Variants in KCNAB1 observed in about 807,000 individuals in gnomAD.
The protein encoded by KCNAB1 is voltage-gated potassium channel subunit beta-1.
A neutral mutation model predicts 64.6 loss-of-function variants in KCNAB1; 35 were observed. That is an observed-to-expected ratio of 0.54 (90% confidence interval 0.41 to 0.72). KCNAB1 has a LOEUF of 0.72. Ranked by LOEUF, KCNAB1 falls within the 30% of genes least tolerant of loss-of-function variation. The pLI is 0.00. For synonymous variants in KCNAB1, 177 were observed against 183.8 expected, an observed-to-expected ratio of 0.96 and a Z score of 0.30; for missense variants, 401 against 512.9, an observed-to-expected ratio of 0.78 and a Z score of 2.11.
chr3:156,225,165 C>A (rs1220603229), intron 1 of KCNAB1, among the ~76,000 whole-genome samples: 1 of 152,064 alleles, frequency 6.6e-6, no homozygotes, highest in African/African-American at 2.4e-5. Flanking sequence ...GATGCAAAAT[C>A]CTCAAAGAAA....
intron 8 of KCNAB1, among the ~76,000 whole-genome samples, chr3:156,488,182 A>T (rs772045097): frequency 6.6e-6 from 1 of 152,142 alleles, no homozygotes; most frequent in African/African-American, 2.4e-5. Context: ...AGAGAACAAC[A>T]TAGACAAAGA....
intron 8 of KCNAB1, among the ~76,000 whole-genome samples, chr3:156,481,818 C>T (rs1714828694): frequency 6.6e-6 from 1 of 152,120 alleles, no homozygotes; most frequent in African/African-American, 2.4e-5. Context: ...TCACTTTCCT[C>T]ACCTGAAAAC....
At chr3:156,372,487 A>G (rs935570774) in intron 1 of KCNAB1, among the ~76,000 whole-genome samples, 2 of 152,224 alleles carry the variant, frequency 1.3e-5, no homozygotes, top group Non-Finnish European at 2.9e-5. Context: ...CTGATTCAAT[A>G]GGTCTAGTGT....
chr3:156,210,038 C>A (rs1238185363), intron 1 of KCNAB1, among the ~76,000 whole-genome samples: 1 of 152,188 alleles, frequency 6.6e-6, no homozygotes, highest in Non-Finnish European at 1.5e-5. Flanking sequence ...TGCTTCCCTG[C>A]AGGACATCTA....
rs10624040 is a variant in KCNAB1, at chr3:156,182,695, A to ATTTTTTTTTTTTTTTTTTTTT, written c.275+61827_275+61828insTTTTTTTTTTTTTTTTTTTTT. Reference sequence around the variant, plus strand: ...CAAGGTATCTTCCTAAAGTAAGACAATTTTTTTTTTTTTTTTTTATTTTGC... The same window carrying ATTTTTTTTTTTTTTTTTTTTT: ...CAAGGTATCTTCCTAAAGTAAGACAATTTTTTTTTTTTTTTTTTTTTTTTTTTTTTTTTTTTTTTATTTTGC... On this transcript the variant is annotated intron_variant, in intron 1 of 13. Transcript: ENST00000490337. Among the ~76,000 whole-genome samples the ATTTTTTTTTTTTTTTTTTTTT allele has an allele frequency of 1.7e-4, 23 of 132,716 alleles. 1 individual carries two copies. Among genetic ancestry groups the ATTTTTTTTTTTTTTTTTTTTT allele is most frequent in the South Asian group, 2.4e-4 (1 of 4,126 alleles). 87.1% of individuals were successfully genotyped at this position (132,716 alleles called of 152,430 possible).
intron 1 of KCNAB1, among the ~76,000 whole-genome samples, chr3:156,202,766 A>G (rs994878933): frequency 2.6e-5 from 4 of 152,180 alleles, no homozygotes; most frequent in Non-Finnish European, 5.9e-5. Context: ...TATTTTTTAA[A>G]TTGGAAATCA....
At position 156,508,023 on chromosome 3, in the gene KCNAB1, T is replaced by A. The variant is rs1411265740; in HGVS notation, c.659-6341T>A. 2.6e-5 allele frequency among the ~76,000 whole-genome samples: 4 copies of A among 152,168 alleles called. No individual in the cohort carries two copies. The East Asian group carries it at 7.7e-4, about 29-fold the overall frequency. On this transcript the variant is annotated intron_variant, in intron 8 of 13. Transcript: ENST00000490337. This position sits in a 1 kb window ranked among gnomAD's most constrained non-coding sequence, Gnocchi z 4.1. ...ACATATTTACTGGAAATGTGAAAAA[T>A]TAAGAACAAAATTGCATGTAATTCC... is the stretch of plus-strand genomic sequence containing the variant.
intron 1 of KCNAB1, among the ~76,000 whole-genome samples, chr3:156,383,887 A>G (rs1415940219): frequency 1.3e-5 from 2 of 152,172 alleles, no homozygotes. Flanking sequence ...ACTTGACGGC[A>G]TCCAGGTTTC....
At chr3:156,357,790 AT>A (rs201580826) in intron 1 of KCNAB1, among the ~76,000 whole-genome samples, 21,779 of 148,740 alleles carry the variant, frequency 0.15, 1,794 homozygotes, top group Middle Eastern at 0.24. Context: ...ATTATTTTAT[AT>A]TTTTATACTA....
At chr3:156,181,299 A>T (rs1392345271) in intron 1 of KCNAB1, among the ~76,000 whole-genome samples, 1 of 152,196 alleles carries the variant, frequency 6.6e-6, no homozygotes, top group Non-Finnish European at 1.5e-5. Context: ...ACAACACGAG[A>T]CAGAGGTTAG....
chr3:156,432,410 G>A (rs771570893), intron 2 of KCNAB1, among the ~76,000 whole-genome samples: 15 of 152,236 alleles, frequency 9.9e-5, no homozygotes, highest in Middle Eastern at 6.8e-3. Context: ...ACAAATAAAA[G>A]CTTCATCCTA....
intron 1 of KCNAB1, among the ~76,000 whole-genome samples, chr3:156,182,638 C>CCG: frequency 6.6e-6 from 1 of 151,038 alleles, no homozygotes; most frequent in Non-Finnish European, 1.5e-5. Context: ...TTCCCCCCCC[C>CCG]GGGTCTTATC....
chr3:156,532,519 C>T (rs1394264011), intron 13 of KCNAB1, among the ~76,000 whole-genome samples: 1 of 152,226 alleles, frequency 6.6e-6, no homozygotes, highest in Non-Finnish European at 1.5e-5. Flanking sequence ...GCAACAAGCA[C>T]ACAGCCCTGT....
At chr3:156,369,856 A>C (rs937626604) in intron 1 of KCNAB1, among the ~76,000 whole-genome samples, 4 of 152,206 alleles carry the variant, frequency 2.6e-5, no homozygotes. Context: ...TACTTTTGTG[A>C]ATTCTTAATT....
chr3:156,148,229 C>T (rs771629300), intron 1 of KCNAB1, among the ~76,000 whole-genome samples: 12 of 152,196 alleles, frequency 7.9e-5, no homozygotes, highest in Non-Finnish European at 1.2e-4. Flanking sequence ...GCCCCTACAG[C>T]ATTGACCACC....
chr3:156,422,660 C>T (rs951859224), intron 2 of KCNAB1, among the ~76,000 whole-genome samples: 1 of 152,126 alleles, frequency 6.6e-6, no homozygotes, highest in Admixed American at 6.5e-5. Flanking sequence ...TGCAAATAGA[C>T]TTATGACTCC....
chr3:156,177,435 G>C (rs1249571344), intron 1 of KCNAB1, among the ~76,000 whole-genome samples: 1 of 152,056 alleles, frequency 6.6e-6, no homozygotes, highest in Non-Finnish European at 1.5e-5. Flanking sequence ...GGAGTGCAGC[G>C]GCGCAATCTC....
chr3:156,227,394 C>G lies in KCNAB1; in HGVS notation c.275+106508C>G, dbSNP rs1041257849. 2.6e-5 allele frequency among the ~76,000 whole-genome samples: 4 copies of G among 152,148 alleles called. No individual in the cohort carries two copies. The East Asian group carries it at 7.7e-4, about 29-fold the overall frequency. On this transcript the variant is annotated intron_variant, in intron 1 of 13. Transcript: ENST00000490337. The stretch of plus-strand genomic sequence containing the variant: ...TTAGAAAAAAAAGTGTTTGAAATCA[C>G]AATCAATGTTGCAATAAAGTGGGAC...
At chr3:156,473,357 A>G (rs1210498462) in intron 7 of KCNAB1, among the ~76,000 whole-genome samples, 2 of 152,138 alleles carry the variant, frequency 1.3e-5, no homozygotes, top group African/African-American at 4.8e-5. Flanking sequence ...AAACCTTGTG[A>G]TACCCTGTTA....
Sources: gnomAD v4.1 joint callset for allele counts (sites outside exome capture counted in the v4.1 genomes callset) on GRCh38, gnomAD v4.1.1 for gene constraint, Gnocchi (gnomAD v3.1) non-coding constraint, MANE v1.5 for transcripts, NCBI Gene and HGNC (gene_info 2026-07-23, HGNC 2026-07-21) for gene names.